ST7: variants seen among roughly 807,000 people sequenced by gnomAD.
ST7 encodes the protein suppression of tumorigenicity 7.
Under a neutral mutation model 78.7 loss-of-function variants are expected in ST7, and 28 were observed. The observed-to-expected ratio is 0.36, with a 90% CI of 0.26 to 0.49. The LOEUF (loss-of-function observed/expected upper bound fraction) is 0.49, where lower values mean the gene tolerates loss of function less well. Among genes scored for constraint, ST7 ranks in the 20% least tolerant of loss-of-function variants. The pLI is 0.99. For synonymous variants in ST7, 247 were observed against 249.6 expected, an observed-to-expected ratio of 0.99 and a Z score of 0.10; for missense variants, 418 against 696.0, an observed-to-expected ratio of 0.60 and a Z score of 4.49.
chr7:117,014,845 T>A (rs1795534387), intron 1 of ST7: 5 of 460,606 alleles, frequency 1.1e-5, no homozygotes, highest in Non-Finnish European at 1.8e-5. Flanking sequence ...AGCCCAGCCG[T>A]TGCCGCTTGA....
intron 15 of ST7, among the ~76,000 whole-genome samples, chr7:117,225,519 C>T (rs965984354): frequency 6.6e-6 from 1 of 152,086 alleles, no homozygotes. Context: ...CTTCTCCCGC[C>T]GCCTCCTCGA....
intron 15 of ST7, among the ~76,000 whole-genome samples, chr7:117,225,528 G>T (rs535090891): frequency 6.6e-6 from 1 of 152,176 alleles, no homozygotes; most frequent in South Asian, 2.1e-4. Context: ...CCGCCTCCTC[G>T]ACCTGCCCCC....
intron 1 of ST7, among the ~76,000 whole-genome samples, chr7:117,016,810 A>G (rs1795637161): frequency 6.6e-6 from 1 of 152,210 alleles, no homozygotes; most frequent in Non-Finnish European, 1.5e-5. Context: ...TTGCAAAGAT[A>G]GCTATATTTA....
At chr7:117,188,015 G>T (rs1271313980) in intron 10 of ST7, among the ~76,000 whole-genome samples, 1 of 152,110 alleles carries the variant, frequency 6.6e-6, no homozygotes, top group Non-Finnish European at 1.5e-5. Context: ...GTGACATTTT[G>T]CTTGAATATA....
At chr7:117,172,368 T>C (rs995182875) in intron 10 of ST7, among the ~76,000 whole-genome samples, 2 of 152,232 alleles carry the variant, frequency 1.3e-5, no homozygotes, top group Non-Finnish European at 2.9e-5. Flanking sequence ...TTCATTTTCT[T>C]CAAATTTTTT....
At chr7:117,145,927 T>G (rs1805750724) in intron 9 of ST7, among the ~76,000 whole-genome samples, 1 of 152,216 alleles carries the variant, frequency 6.6e-6, no homozygotes, top group Non-Finnish European at 1.5e-5. Context: ...ACTAACCCTC[T>G]GTGTTCTTAC....
rs147737022 is a variant in ST7, at chr7:117,066,427, A to G, written c.152-33335A>G. Among the ~76,000 whole-genome samples the G allele has an allele frequency of 2.7e-3, 416 of 152,240 alleles. 3 individuals carry two copies. The highest frequency in any genetic ancestry group is 9.4e-3 in the African/African-American group (391 of 41,548). The stretch of plus-strand genomic sequence containing the variant: ...TGACTTTTTTTTTCTAAATAGCTTT[A>G]TTGAAATATAATTCACATACAGCAA... On this transcript the variant is annotated intron_variant, in intron 1 of 15. Transcript: ENST00000323984.
chr7:117,116,774 C>T (rs1366556818), intron 2 of ST7, among the ~76,000 whole-genome samples: 1 of 152,162 alleles, frequency 6.6e-6, no homozygotes, highest in Non-Finnish European at 1.5e-5. Flanking sequence ...ATGAATAACC[C>T]AGTCTTTACT....
At chr7:117,089,713 A>T (rs1800447596) in intron 1 of ST7, among the ~76,000 whole-genome samples, 1 of 151,810 alleles carries the variant, frequency 6.6e-6, no homozygotes. Context: ...CTGGGACTAC[A>T]GGCACCCACC....
chr7:116,984,712 T>C (rs1794117935), intron 1 of ST7, among the ~76,000 whole-genome samples: 3 of 152,198 alleles, frequency 2.0e-5, no homozygotes, highest in Admixed American at 6.5e-5. Flanking sequence ...ATACAACATA[T>C]GTAAATATGC....
At chr7:117,101,127 G>T (rs1284238157) in intron 2 of ST7, among the ~76,000 whole-genome samples, 1 of 152,126 alleles carries the variant, frequency 6.6e-6, no homozygotes, top group African/African-American at 2.4e-5. Context: ...TGGCAGTGTG[G>T]GGAGGATCTT....
chr7:117,020,747 C>T lies in ST7; in HGVS notation c.151+67056C>T, dbSNP rs1473361084. The T allele has an allele frequency of 1.2e-5, 17 of 1,445,798 alleles. No homozygotes were observed. In the East Asian group the frequency reaches 3.5e-4, roughly 30 times the overall value. The allele number at this position is 1,445,798 out of a possible 1,614,324, so 89.6% of individuals were successfully genotyped here. ...CATTAACAACCTTTGTATTTTGGCTCTAATTACAAAGGAATTGGTCTCAGG... is the reference window on the plus strand; with the variant it reads ...CATTAACAACCTTTGTATTTTGGCTTTAATTACAAAGGAATTGGTCTCAGG... On this transcript the variant is annotated intron_variant, in intron 1 of 15. Transcript: ENST00000323984.
At chr7:116,968,457 C>CTCA (rs1420035276) in intron 1 of ST7, 1 of 452,828 alleles carries the variant, frequency 2.2e-6, no homozygotes, top group African/African-American at 2.0e-5. Context: ...ATCCTTCTGC[C>CTCA]TCAACCTTCT....
chr7:117,205,290 A>G (rs144985564), intron 12 of ST7, among the ~76,000 whole-genome samples: 1 of 152,284 alleles, frequency 6.6e-6, no homozygotes, highest in East Asian at 1.9e-4. Flanking sequence ...TGTATGATGA[A>G]CATTTCCCTG....
At chr7:117,220,605 G>A (rs1365795378) in intron 14 of ST7, among the ~76,000 whole-genome samples, 2 of 152,208 alleles carry the variant, frequency 1.3e-5, no homozygotes, top group East Asian at 3.8e-4. Flanking sequence ...ATCTTTATAA[G>A]CCTGAAATAG....
intron 1 of ST7, among the ~76,000 whole-genome samples, chr7:117,033,761 A>G (rs1796733201): frequency 6.6e-6 from 1 of 152,036 alleles, no homozygotes; most frequent in Non-Finnish European, 1.5e-5. Flanking sequence ...GTACTTTATA[A>G]TGGAGGGAGC....
chr7:117,169,618 G>A (rs1329140021), intron 9 of ST7, among the ~76,000 whole-genome samples: 1 of 152,052 alleles, frequency 6.6e-6, no homozygotes, highest in Non-Finnish European at 1.5e-5. Context: ...TCATAGTCCA[G>A]TCTCTTGCTC....
chr7:117,191,076 G>A (rs1421248033), intron 12 of ST7, 140 bp downstream of exon 12: 7 of 665,456 alleles, frequency 1.1e-5, no homozygotes, highest in African/African-American at 7.2e-5. Context: ...ATAATGTATG[G>A]GCATTAGCCT....
intron 1 of ST7, among the ~76,000 whole-genome samples, chr7:117,037,003 C>T (rs1005185222): frequency 1.3e-5 from 2 of 152,122 alleles, no homozygotes; most frequent in Non-Finnish European, 2.9e-5. Context: ...AAGTAAAAAG[C>T]CACAGGTTGG....
Sources: gnomAD v4.1 joint callset for allele counts (sites outside exome capture counted in the v4.1 genomes callset) on GRCh38, gnomAD v4.1.1 for gene constraint, MANE v1.5 for transcripts, NCBI Gene and HGNC (gene_info 2026-07-23, HGNC 2026-07-21) for gene names.